ADAMTS12: variants seen among roughly 807,000 people sequenced by gnomAD.
ADAMTS12 encodes ADAM metallopeptidase with thrombospondin type 1 motif 12, also known as A disintegrin and metalloproteinase with thrombospondin motifs 12.
ADAMTS12 carries 118 observed loss-of-function variants against 167.8 expected under a neutral mutation model. That is an observed-to-expected ratio of 0.70 (90% CI 0.61 to 0.82). The LOEUF is 0.82. Among genes scored for constraint, ADAMTS12 ranks in the 40% least tolerant of loss-of-function variants. The pLI, the probability that ADAMTS12 is intolerant of heterozygous loss-of-function variation, is 0.00. For synonymous variants in ADAMTS12, 704 were observed against 716.9 expected, an observed-to-expected ratio of 0.98 and a Z score of 0.29; for missense variants, 1,916 against 1,998.8, an observed-to-expected ratio of 0.96 and a Z score of 0.79.
intron 5 of ADAMTS12, among the ~76,000 whole-genome samples, chr5:33,670,277 G>A (rs1741625853): frequency 6.6e-6 from 1 of 152,140 alleles, no homozygotes; most frequent in African/African-American, 2.4e-5. Flanking sequence ...GGAATTGCAA[G>A]TTAAAACCAC....
At chr5:33,890,212 C>T (rs1274772468) in intron 1 of ADAMTS12, among the ~76,000 whole-genome samples, 1 of 152,206 alleles carries the variant, frequency 6.6e-6, no homozygotes, top group East Asian at 1.9e-4. Flanking sequence ...GAATGTGTGT[C>T]TTTGAACGAA....
chr5:33,820,343 T>C (rs2548032), intron 2 of ADAMTS12, among the ~76,000 whole-genome samples: 75,165 of 152,058 alleles, frequency 0.49, 19,277 homozygotes, highest in Non-Finnish European at 0.54. Flanking sequence ...GTTGTTATCA[T>C]GTTGGAATAT....
chr5:33,631,308 T>C (rs528183257), intron 12 of ADAMTS12, among the ~76,000 whole-genome samples: 2 of 152,268 alleles, frequency 1.3e-5, no homozygotes, highest in Admixed American at 1.3e-4. Context: ...GCGGGATGCC[T>C]GCTTGTTTCT....
At chr5:33,622,525 G>A (rs1422011007) in intron 14 of ADAMTS12, among the ~76,000 whole-genome samples, 5 of 152,104 alleles carry the variant, frequency 3.3e-5, no homozygotes, top group Non-Finnish European at 7.4e-5. Flanking sequence ...GTGCTGGCGT[G>A]CACCTGTAGT....
intron 2 of ADAMTS12, among the ~76,000 whole-genome samples, chr5:33,763,242 G>A (rs1745418579): frequency 6.6e-6 from 1 of 152,074 alleles, no homozygotes; most frequent in African/African-American, 2.4e-5. Context: ...TCTTGAGATG[G>A]GGAAACTGTC....
intron 3 of ADAMTS12, among the ~76,000 whole-genome samples, chr5:33,692,252 G>A (rs1742575622): frequency 6.6e-6 from 1 of 152,192 alleles, no homozygotes; most frequent in Non-Finnish European, 1.5e-5. Flanking sequence ...AGGGAAGGCA[G>A]AGCCCCTTCT....
At chr5:33,803,264 G>A (rs1747077807) in intron 2 of ADAMTS12, among the ~76,000 whole-genome samples, 1 of 152,244 alleles carries the variant, frequency 6.6e-6, no homozygotes, top group Non-Finnish European at 1.5e-5. Flanking sequence ...CAAAAGAAGT[G>A]TGGTGGGAAC....
intron 23 of ADAMTS12, among the ~76,000 whole-genome samples, chr5:33,530,562 G>A (rs1206479079): frequency 2.0e-5 from 3 of 152,196 alleles, no homozygotes; most frequent in Non-Finnish European, 2.9e-5. Context: ...CCACAATCTC[G>A]TCGCTGTGTC....
chr5:33,577,524 G>A (rs1314391365), intron 18 of ADAMTS12, among the ~76,000 whole-genome samples: 1 of 152,178 alleles, frequency 6.6e-6, no homozygotes, highest in Admixed American at 6.5e-5. Context: ...TCTTTTCTGG[G>A]ATTGTGATTT....
chr5:33,751,303 A>T, intron 3 of ADAMTS12, 101 bp downstream of exon 3: 1 of 1,414,026 alleles, frequency 7.1e-7, no homozygotes, highest in Non-Finnish European at 9.9e-7. Flanking sequence ...AAGAATACAG[A>T]GGAGATAAGA....
rs188086325 is a variant in ADAMTS12 at position 33,578,796 on chromosome 5, C to T, written c.2866-1636G>A. ...CTGTGAAATCAGCTCTTTTGAAAAG[C>T]AGATGCTGTGAGCACAGGAGAATGT... On this transcript the variant is annotated intron_variant, in intron 18 of 23. Transcript: ENST00000504830. Among the ~76,000 whole-genome samples, 176 of 152,280 alleles carry T rather than the reference C, an allele frequency of 1.2e-3. 1 individual carries two copies. The highest frequency in any genetic ancestry group is 1.8e-3 in the Non-Finnish European group (124 of 68,026).
intron 17 of ADAMTS12, among the ~76,000 whole-genome samples, chr5:33,594,767 T>C (rs1465015319): frequency 6.6e-6 from 1 of 152,150 alleles, no homozygotes; most frequent in Non-Finnish European, 1.5e-5. Context: ...AAAATAAACC[T>C]CTCTCTCTGA....
chr5:33,573,815 C>A (rs938986653), intron 19 of ADAMTS12, among the ~76,000 whole-genome samples: 1 of 152,100 alleles, frequency 6.6e-6, no homozygotes, highest in Non-Finnish European at 1.5e-5. Flanking sequence ...AGGCAACCTA[C>A]AAAATGGGAG....
chr5:33,837,130 TC>T (rs140865901), intron 2 of ADAMTS12, among the ~76,000 whole-genome samples: 77 of 152,140 alleles, frequency 5.1e-4, no homozygotes, highest in African/African-American at 1.8e-3. Context: ...TTTAAAAAAG[TC>T]CCTCTGGCTG....
At chr5:33,691,261 G>T (rs1009400072) in intron 3 of ADAMTS12, among the ~76,000 whole-genome samples, 1 of 152,170 alleles carries the variant, frequency 6.6e-6, no homozygotes, top group African/African-American at 2.4e-5. Flanking sequence ...TGTTTACAAA[G>T]CTTTCTAGAC....
At chr5:33,805,197 C>G (rs1420178060) in intron 2 of ADAMTS12, among the ~76,000 whole-genome samples, 2 of 152,176 alleles carry the variant, frequency 1.3e-5, no homozygotes, top group African/African-American at 4.8e-5. Context: ...AAAGGAGCCA[C>G]CCTCCAGGAG....
intron 16 of ADAMTS12, among the ~76,000 whole-genome samples, chr5:33,613,973 T>C (rs4421110): frequency 0.9 from 137,405 of 152,252 alleles, 62,141 homozygotes; most frequent in African/African-American, 0.96. Flanking sequence ...TGACACGTAA[T>C]GAAACATTCA....
intron 2 of ADAMTS12, among the ~76,000 whole-genome samples, chr5:33,859,408 C>A (rs1052135379): frequency 5.9e-5 from 9 of 152,232 alleles, no homozygotes; most frequent in East Asian, 5.8e-4. Context: ...TCAAACTGGG[C>A]GGAGCCCACC....
At chr5:33,668,568 A>G (rs980467185) in intron 5 of ADAMTS12, among the ~76,000 whole-genome samples, 7 of 152,174 alleles carry the variant, frequency 4.6e-5, no homozygotes, top group African/African-American at 1.7e-4. Context: ...CAGTAGCACA[A>G]TCCTCCAGGG....
Sources: gnomAD v4.1 joint callset for allele counts (sites outside exome capture counted in the v4.1 genomes callset) on GRCh38, gnomAD v4.1.1 for gene constraint, MANE v1.5 for transcripts, NCBI Gene and HGNC (gene_info 2026-07-23, HGNC 2026-07-21) for gene names.